SIPA1L2: variants seen among roughly 807,000 people sequenced by gnomAD.
The protein encoded by SIPA1L2 is signal induced proliferation associated 1 like 2.
A neutral mutation model predicts 163.9 loss-of-function variants in SIPA1L2; 56 were observed. That is an observed-to-expected ratio of 0.34 (90% CI 0.28 to 0.43). The LOEUF is 0.43. SIPA1L2 is among the 20% of genes least tolerant of loss of function. The pLI is 1.00. For missense variants in SIPA1L2, 1,974 were observed against 2,193.5 expected (o/e 0.90, Z 2.00); for synonymous variants, 877 against 865.7 (o/e 1.01, Z -0.23).
intron 1 of SIPA1L2, among the ~76,000 whole-genome samples, chr1:232,617,855 T>C (rs1211669496): frequency 2.6e-5 from 4 of 152,214 alleles, no homozygotes; most frequent in African/African-American, 9.7e-5. Context: ...CTTCAAAAAA[T>C]GTAAAACTTT....
At chr1:232,449,849 C>A (rs1663463176) in intron 10 of SIPA1L2, among the ~76,000 whole-genome samples, 1 of 152,176 alleles carries the variant, frequency 6.6e-6, no homozygotes, top group East Asian at 1.9e-4. Context: ...TAGTTCCATT[C>A]TTCTCAACAA....
chr1:232,495,124 C>T (rs929194807), intron 3 of SIPA1L2, among the ~76,000 whole-genome samples: 10 of 152,210 alleles, frequency 6.6e-5, no homozygotes, highest in Admixed American at 5.9e-4. Flanking sequence ...AGAACACACA[C>T]TATCCAAAGC....
chr1:232,560,610 T>G (rs1173499231), intron 2 of SIPA1L2, among the ~76,000 whole-genome samples: 1 of 152,212 alleles, frequency 6.6e-6, no homozygotes, highest in South Asian at 2.1e-4. Context: ...AGCTCTCACC[T>G]GCCTCCTCTG....
intron 1 of SIPA1L2, among the ~76,000 whole-genome samples, chr1:232,626,733 G>A (rs967009284): frequency 1.3e-5 from 2 of 152,068 alleles, no homozygotes; most frequent in African/African-American, 4.8e-5. Context: ...TATAGGCCAA[G>A]GCAAAGAAAT....
At chr1:232,442,405 AGGCGTGGT>A (rs1485344083) in intron 12 of SIPA1L2, among the ~76,000 whole-genome samples, 3 of 151,884 alleles carry the variant, frequency 2.0e-5, no homozygotes, top group African/African-American at 4.8e-5. Context: ...AAAATTAGCC[AGGCGTGGT>A]GGCGAGCGCC....
In SIPA1L2 at chr1:232,432,343, TAGGGCTTGGACATGGA is replaced by T; in HGVS notation, c.4144_4159del (p.Ser1382ThrfsTer7). Reference sequence around the variant, plus strand: ...TTTGTTCACTGCCCCTTGTCTGTGGTAGGGCTTGGACATGGACCCGGGAACCTGTTGTCCGCTGCTG... The same window carrying T: ...TTTGTTCACTGCCCCTTGTCTGTGGTCCCGGGAACCTGTTGTCCGCTGCTG... On this transcript the variant is annotated frameshift_variant, in exon 16 of 23. Coordinates refer to ENST00000674635, the MANE Select transcript of SIPA1L2 (RefSeq NM_020808.5). LOFTEE classifies it high-confidence loss of function. 6.2e-7 allele frequency: 1 copy of T among 1,614,190 alleles called. No individual in the cohort carries two copies. The highest frequency in any genetic ancestry group is 8.5e-7 in the Non-Finnish European group (1 of 1,180,032).
At chr1:232,419,407 CG>C (rs1336112274) in intron 18 of SIPA1L2, among the ~76,000 whole-genome samples, 1 of 152,092 alleles carries the variant, frequency 6.6e-6, no homozygotes, top group African/African-American at 2.4e-5. Context: ...TGACATGGTC[CG>C]GATGTTGTCC....
intron 8 of SIPA1L2, among the ~76,000 whole-genome samples, chr1:232,467,866 G>A (rs1300731978): frequency 6.6e-6 from 1 of 152,134 alleles, no homozygotes; most frequent in Non-Finnish European, 1.5e-5. Flanking sequence ...GCTCCACTGT[G>A]GTGTCACATA....
chr1:232,453,158 A>G (rs1458947905), intron 10 of SIPA1L2, among the ~76,000 whole-genome samples: 1 of 152,216 alleles, frequency 6.6e-6, no homozygotes, highest in South Asian at 2.1e-4. Flanking sequence ...CCATTATTTT[A>G]TTCTTTTCAT....
At chr1:232,522,500 C>CT (rs5781702) in intron 2 of SIPA1L2, among the ~76,000 whole-genome samples, 119,919 of 144,228 alleles carry the variant, frequency 0.83, 50,473 homozygotes, top group Middle Eastern at 0.92. Flanking sequence ...AGCATTGTGC[C>CT]TTTTTTTTTT....
chr1:232,535,077 T>C (rs932581697), intron 2 of SIPA1L2, among the ~76,000 whole-genome samples: 1 of 152,208 alleles, frequency 6.6e-6, no homozygotes, highest in Non-Finnish European at 1.5e-5. Context: ...CCTACAGTAA[T>C]GTACAAGATA....
At chr1:232,627,563 A>G (rs1663146732) in intron 1 of SIPA1L2, among the ~76,000 whole-genome samples, 1 of 152,192 alleles carries the variant, frequency 6.6e-6, no homozygotes, top group Non-Finnish European at 1.5e-5. Context: ...AATCCATATT[A>G]CACAGCTTTA....
At chr1:232,532,649 G>C (rs1657036198) in intron 2 of SIPA1L2, among the ~76,000 whole-genome samples, 1 of 152,206 alleles carries the variant, frequency 6.6e-6, no homozygotes, top group Non-Finnish European at 1.5e-5. Context: ...CCTGAAGGCA[G>C]TAAAGCACAT....
chr1:232,566,179 T>C (rs1484476272), intron 2 of SIPA1L2, among the ~76,000 whole-genome samples: 1 of 152,190 alleles, frequency 6.6e-6, no homozygotes, highest in Non-Finnish European at 1.5e-5. Flanking sequence ...GTTTGTTTTG[T>C]TTTCTTTTGT....
rs547069698 is a variant in SIPA1L2 at position 232,475,207 on chromosome 1, C to T, written c.2086-3679G>A. Among the ~76,000 whole-genome samples, 10 of 152,330 alleles carry T rather than the reference C, an allele frequency of 6.6e-5. No homozygotes were observed. The South Asian group carries it at 1.7e-3, about 25-fold the overall frequency. On this transcript the variant is annotated intron_variant, in intron 7 of 22. Coordinates refer to ENST00000674635, the MANE Select transcript of SIPA1L2 (RefSeq NM_020808.5). ...TGACATGACTGATCCCTTCCTACCT[C>T]TCCGACCTCATCACCTGCTCCTTAC... is the stretch of plus-strand genomic sequence containing the variant.
rs753109956 is a variant in SIPA1L2, at chr1:232,439,261, C to T, written c.3878G>A (p.Arg1293Gln). 2.5e-5 allele frequency: 40 copies of T among 1,613,952 alleles called. No homozygotes were observed. The highest frequency in any genetic ancestry group is 3.3e-4 in the Middle Eastern group (2 of 6,082). The change falls in exon 15 of 23, where the codon CGG becomes CAG. Residue 1293 changes from arginine to glutamine, a missense_variant. Physicochemically the swap from Arg to Gln is conservative, Grantham distance 43. Transcript: ENST00000674635. Reference sequence around the variant, plus strand: ...GGCAGCATCAGCCCACTGCTCGGCCCGGCTGTGGATCAGGGACCTGCTGCC... The same window carrying T: ...GGCAGCATCAGCCCACTGCTCGGCCTGGCTGTGGATCAGGGACCTGCTGCC... ...LAGSRSLIHS[R>Q]AEQWADAADV...
chr1:232,467,956 T>C (rs563140158), intron 8 of SIPA1L2, among the ~76,000 whole-genome samples: 21 of 152,340 alleles, frequency 1.4e-4, no homozygotes, highest in African/African-American at 4.8e-4. Flanking sequence ...TAATATCTAA[T>C]TGCAGATTCT....
intron 1 of SIPA1L2, among the ~76,000 whole-genome samples, chr1:232,590,191 A>G (rs1660890273): frequency 6.6e-6 from 1 of 152,062 alleles, no homozygotes; most frequent in Admixed American, 6.5e-5. Flanking sequence ...CACCTCCCCA[A>G]TTCCCACAGT....
intron 12 of SIPA1L2, among the ~76,000 whole-genome samples, chr1:232,443,079 GCTC>G (rs1662998730): frequency 6.6e-6 from 1 of 152,194 alleles, no homozygotes; most frequent in South Asian, 2.1e-4. Context: ...CTGGTGCCAT[GCTC>G]CCTCTTCTCT....
Sources: allele counts gnomAD v4.1 joint callset (sites outside exome capture counted in the v4.1 genomes callset), GRCh38; gene constraint gnomAD v4.1.1; transcripts MANE v1.5; gene names NCBI Gene and HGNC (gene_info 2026-07-23, HGNC 2026-07-21).